Variants in IDNK observed in about 807,000 individuals in gnomAD.
The protein encoded by IDNK is gluconokinase.
Under a neutral mutation model 13.0 loss-of-function variants are expected in IDNK, and 9 were observed. The observed-to-expected ratio is 0.69, with a 90% confidence interval of 0.42 to 1.21. IDNK has a LOEUF of 1.21. IDNK is among the 50% of genes most tolerant of loss of function. The pLI is 0.00. For synonymous variants in IDNK, 92 were observed against 94.9 expected, an observed-to-expected ratio of 0.97 and a Z score of 0.18; for missense variants, 210 against 237.8, an observed-to-expected ratio of 0.88 and a Z score of 0.77.
chr9:83,639,114 T>A (rs1201945907), intron 3 of IDNK, among the ~76,000 whole-genome samples: 2 of 152,160 alleles, frequency 1.3e-5, no homozygotes, highest in Non-Finnish European at 1.5e-5. Context: ...TATAATGAAC[T>A]GTAAATCAAT....
At chr9:83,634,928 A>G (rs1831123408) in intron 3 of IDNK, among the ~76,000 whole-genome samples, 1 of 152,190 alleles carries the variant, frequency 6.6e-6, no homozygotes, top group Admixed American at 6.5e-5. Flanking sequence ...CCTTAACTCT[A>G]AGTAGATATG....
chr9:83,640,519 C>A (rs759557598), intron 3 of IDNK, among the ~76,000 whole-genome samples: 26 of 152,074 alleles, frequency 1.7e-4, no homozygotes, highest in Non-Finnish European at 2.8e-4. Flanking sequence ...TGGGGGCATA[C>A]GTATAACAAG....
Position 83,643,781 on chromosome 9 carries a change from C to T in IDNK, c.*1C>T. The T allele has an allele frequency of 6.3e-7, 1 of 1,594,234 alleles. No individual in the cohort carries two copies. Among genetic ancestry groups the T allele is most frequent in the Admixed American group, 1.7e-5 (1 of 59,066 alleles). Reference sequence around the variant, plus strand: ...TATGGAAACCCTAAAAATGAAATGACAATGATTTTGTATCAGTGGTCCAAA... The same window carrying T: ...TATGGAAACCCTAAAAATGAAATGATAATGATTTTGTATCAGTGGTCCAAA... On this transcript the variant is annotated 3_prime_UTR_variant, in exon 5 of 5. Coordinates refer to ENST00000376419, the MANE Select transcript of IDNK (RefSeq NM_001001551.4).
intron 1 of IDNK, chr9:83,626,799 C>T (rs185274021): frequency 6.9e-6 from 8 of 1,151,962 alleles, no homozygotes; most frequent in Admixed American, 4.3e-5. Context: ...TCTACTCATC[C>T]GTAGGCTGCA....
intron 3 of IDNK, among the ~76,000 whole-genome samples, chr9:83,639,948 T>C (rs748792557): frequency 1.3e-5 from 2 of 152,212 alleles, no homozygotes; most frequent in Non-Finnish European, 2.9e-5. Flanking sequence ...TGGGCTGAAA[T>C]GAGCTGAATC....
intron 3 of IDNK, among the ~76,000 whole-genome samples, chr9:83,637,229 G>A (rs1327638128): frequency 6.6e-6 from 1 of 152,256 alleles, no homozygotes; most frequent in African/African-American, 2.4e-5. Flanking sequence ...AATAGTGTGT[G>A]CATGGAAGTA....
At chr9:83,631,525 T>C (rs940179756) in intron 3 of IDNK, among the ~76,000 whole-genome samples, 5 of 145,580 alleles carry the variant, frequency 3.4e-5, no homozygotes. Context: ...GGTGGGAGGA[T>C]GGCCTAAGCC....
chr9:83,633,232 G>C (rs527367133), intron 3 of IDNK, among the ~76,000 whole-genome samples: 1 of 152,198 alleles, frequency 6.6e-6, no homozygotes, highest in Non-Finnish European at 1.5e-5. Flanking sequence ...CCAGCTACTC[G>C]GGAGGCTGAG....
chr9:83,633,224 A>G lies in IDNK; in HGVS notation c.168+4265A>G, dbSNP rs560020556. 1.6e-4 allele frequency among the ~76,000 whole-genome samples: 25 copies of G among 152,324 alleles called. 1 individual carries two copies. In the South Asian group the frequency reaches 5.0e-3, roughly 30 times the overall value. Reference sequence around the variant, plus strand: ...CGTGGTGGCAGGCGCCTGTAGTCCCAGCTACTCGGGAGGCTGAGGCGGGAG... The same window carrying G: ...CGTGGTGGCAGGCGCCTGTAGTCCCGGCTACTCGGGAGGCTGAGGCGGGAG... On this transcript the variant is annotated intron_variant, in intron 3 of 4. Transcript: ENST00000376419.
chr9:83,639,720 G>GAC (rs1831252759), intron 3 of IDNK, among the ~76,000 whole-genome samples: 3 of 152,310 alleles, frequency 2.0e-5, no homozygotes, highest in Admixed American at 2.0e-4. Context: ...ACTGCTTAGG[G>GAC]ACACCTGCTT....
chr9:83,631,084 T>C (rs1490105110), intron 3 of IDNK, among the ~76,000 whole-genome samples: 10 of 152,160 alleles, frequency 6.6e-5, no homozygotes, highest in Admixed American at 5.9e-4. Context: ...ACAGCTGGGC[T>C]GGCACCAATA....
chr9:83,633,669 T>A (rs1181753707), intron 3 of IDNK, among the ~76,000 whole-genome samples: 1 of 152,238 alleles, frequency 6.6e-6, no homozygotes, highest in East Asian at 1.9e-4. Flanking sequence ...TTATTCCTTT[T>A]CTTATTTAAA....
chr9:83,637,292 T>G (rs1325051599), intron 3 of IDNK, among the ~76,000 whole-genome samples: 1 of 152,250 alleles, frequency 6.6e-6, no homozygotes, highest in Non-Finnish European at 1.5e-5. Context: ...AATCCTACAT[T>G]AGCACGCAGT....
In IDNK at chr9:83,643,751, A is replaced by C. The variant is rs1479365379; in HGVS notation, c.535A>C (p.Thr179Pro). The C allele has an allele frequency of 1.2e-6, 2 of 1,609,232 alleles. No individual in the cohort carries two copies. The highest frequency in any genetic ancestry group is 2.2e-5 in the South Asian group (2 of 90,780). ...VDKNVSEIIATIMETLKMK is the reference protein window; with the variant it reads ...VDKNVSEIIAPIMETLKMK ...CAAAAATGTTTCAGAGATAATTGCT[A>C]CAATTATGGAAACCCTAAAAATGAA... The change falls in exon 5 of 5, where the codon ACA (threonine) becomes CCA (proline). Residue 179 changes from threonine to proline, a missense_variant. By Grantham distance (38) the Thr-to-Pro change is conservative (BLOSUM62 -1). Transcript: ENST00000376419.
intron 2 of IDNK, among the ~76,000 whole-genome samples, chr9:83,628,440 A>G (rs1172271256): frequency 6.6e-6 from 1 of 152,104 alleles, no homozygotes; most frequent in Non-Finnish European, 1.5e-5. Context: ...CATGAGGTTA[A>G]GAGTTCAAGA....
At chr9:83,623,260 G>C (rs1181256181) in intron 1 of IDNK, 39 bp downstream of exon 1, 1 of 1,376,338 alleles carries the variant, frequency 7.3e-7, no homozygotes, top group East Asian at 3.1e-5. Context: ...CGGGACAAGT[G>C]TTGCGGGCGC....
chr9:83,632,410 T>C (rs1831043473), intron 3 of IDNK, among the ~76,000 whole-genome samples: 1 of 151,880 alleles, frequency 6.6e-6, no homozygotes. Context: ...GGGCTGGGAG[T>C]CGGGAGTGCA....
chr9:83,630,338 T>A (rs942140435), intron 3 of IDNK, among the ~76,000 whole-genome samples: 1 of 152,078 alleles, frequency 6.6e-6, no homozygotes, highest in Non-Finnish European at 1.5e-5. Context: ...AATAATAGTA[T>A]AATAGAGTAG....
upstream of IDNK, chr9:83,623,037 G>A (rs1227694309): frequency 5.2e-6 from 3 of 574,190 alleles, no homozygotes; most frequent in East Asian, 3.6e-5. Context: ...AAGGGGCGCG[G>A]GAAAACGGGG....
Sources: gnomAD v4.1 joint callset for allele counts (sites outside exome capture counted in the v4.1 genomes callset) on GRCh38, gnomAD v4.1.1 for gene constraint, MANE v1.5 for transcripts, NCBI Gene and HGNC (gene_info 2026-07-23, HGNC 2026-07-21) for gene names.